The following MICAL3 variants were observed in gnomAD, a reference collection of about 807,000 sequenced individuals.
MICAL3 encodes the protein [F-actin]-monooxygenase MICAL3.
In MICAL3, 62 loss-of-function variants were observed where a neutral mutation model predicts 207.4. The ratio of observed to expected loss-of-function variants is 0.30; its 90% CI spans 0.24 to 0.37. MICAL3 has a LOEUF of 0.37. MICAL3 is among the 10% of genes least tolerant of loss of function. MICAL3 has a pLI of 1.00. For synonymous variants in MICAL3, 1,077 were observed against 1,069.3 expected, an observed-to-expected ratio of 1.01 and a Z score of -0.14; for missense variants, 2,368 against 2,635.6, an observed-to-expected ratio of 0.90 and a Z score of 2.22.
At chr22:17,858,122 A>C (rs1926121520) in intron 19 of MICAL3, among the ~76,000 whole-genome samples, 1 of 152,246 alleles carries the variant, frequency 6.6e-6, no homozygotes, top group Admixed American at 6.5e-5. Flanking sequence ...ATCCACCTGG[A>C]GGCCCGCATC....
chr22:17,954,338 G>C (rs764944131), intron 1 of MICAL3, among the ~76,000 whole-genome samples: 16 of 152,144 alleles, frequency 1.1e-4, no homozygotes, highest in Non-Finnish European at 2.2e-4. Flanking sequence ...TGGGAATTCA[G>C]AGCCAAGGAG....
At chr22:17,876,766 GGGAAGTTATGGAGGTTAGGGAGGTT>G (rs1569108955) in intron 16 of MICAL3, 2 of 140,558 alleles carry the variant, frequency 1.4e-5, no homozygotes, top group African/African-American at 5.6e-5. Context: ...AAGGAGGTTA[GGGAAGTTATGGAGGTTAGGGAGGTT>G]AGGGAAGTTA....
At chr22:17,894,010 G>T in intron 10 of MICAL3, 106 bp from the exon 11 acceptor site, 1 of 797,084 alleles carries the variant, frequency 1.3e-6, no homozygotes, top group South Asian at 1.6e-5. Flanking sequence ...TAGAAGGCTG[G>T]GTAAAGTTCA....
At position 17,906,763 on chromosome 22, in the gene MICAL3, T is replaced by A; in HGVS notation, c.50A>T (p.Asp17Val). ...ETMNPAHVLF[D>V]RFVQATTCKG... ...GCAGGTGGTGGCCTGGACAAACCGG[T>A]CAAAGAGGACATGAGCTGGGTTCAT... Residue 17 changes from aspartate to valine, a missense_variant, in exon 2 of 32, where the codon GAC (aspartate) becomes GTC (valine). Around this residue, in one of 4 missense-constraint regions of MICAL3, gnomAD observed 400 missense variants for 547.0 expected, o/e 0.73. Transcript: ENST00000441493. 6.2e-7 allele frequency: 1 copy of A among 1,613,596 alleles called. No homozygotes were observed. The highest frequency in any genetic ancestry group is 8.5e-7 in the Non-Finnish European group (1 of 1,179,720).
Position 17,877,432 on chromosome 22 carries a change from T to G in MICAL3, c.2242-5409A>C, listed in dbSNP as rs895817445. On this transcript the variant is annotated intron_variant, in intron 16 of 31. Coordinates refer to ENST00000441493, the MANE Select transcript of MICAL3 (RefSeq NM_015241.3). ...GAAGTTATGGAGGTTAGGGAGATTATGGAGGTGAGGGAGGTTATGGAGGTT... is the reference window on the plus strand; with the variant it reads ...GAAGTTATGGAGGTTAGGGAGATTAGGGAGGTGAGGGAGGTTATGGAGGTT... Among the ~76,000 whole-genome samples, 37 of 94,148 alleles carry G rather than the reference T, an allele frequency of 3.9e-4. 1 individual carries two copies. Among genetic ancestry groups the G allele is most frequent in the South Asian group, 6.0e-4 (2 of 3,326 alleles). The allele number at this position is 94,148 out of a possible 152,430, so 61.8% of individuals were successfully genotyped here. A position where few individuals can be genotyped will look rare whatever the true frequency, so the allele number is the denominator to read the frequency against.
chr22:17,884,588 G>A (rs573676464), intron 16 of MICAL3, among the ~76,000 whole-genome samples: 6 of 152,314 alleles, frequency 3.9e-5, no homozygotes, highest in African/African-American at 1.2e-4. Context: ...GAAAACAGAA[G>A]CTGTAATACG....
chr22:17,906,873 A>G lies in MICAL3; in HGVS notation c.-61T>C. 4.1e-6 allele frequency: 6 copies of G among 1,458,944 alleles called. No homozygotes were observed. Among genetic ancestry groups the G allele is most frequent in the Non-Finnish European group, 5.6e-6 (6 of 1,080,736 alleles). The allele number at this position is 1,458,944 out of a possible 1,614,324, so 90.4% of individuals were successfully genotyped here. A position where few individuals can be genotyped will look rare whatever the true frequency, so the allele number is the denominator to read the frequency against. ...TGGGATGGCTGTGGGTCCACCTGACACTGTCACGTTAATCTGACAAAAAGA... is the reference window on the plus strand; with the variant it reads ...TGGGATGGCTGTGGGTCCACCTGACGCTGTCACGTTAATCTGACAAAAAGA... On this transcript the variant is annotated 5_prime_UTR_variant, in exon 2 of 32. Transcript: ENST00000441493.
At chr22:17,799,910 A>AAC (rs142697311) in intron 29 of MICAL3, among the ~76,000 whole-genome samples, 22,114 of 146,556 alleles carry the variant, frequency 0.15, 2,761 homozygotes, top group African/African-American at 0.36. Flanking sequence ...AAAACACACA[A>AAC]ACACACACAC....
At chr22:17,868,168 C>G (rs1488066705) in intron 17 of MICAL3, among the ~76,000 whole-genome samples, 1 of 152,190 alleles carries the variant, frequency 6.6e-6, no homozygotes, top group Non-Finnish European at 1.5e-5. Context: ...GTGAACTCAT[C>G]TGTCTTTTGG....
In MICAL3 at chr22:17,906,637, T is replaced by G. The variant is rs768211297; in HGVS notation, c.176A>C (p.Tyr59Ser). Residue 59 changes from tyrosine (Y) to serine (S), a missense_variant, in exon 2 of 32, where the codon TAC (tyrosine) becomes TCC (serine). By Grantham distance (144) the Tyr-to-Ser change is moderately radical (BLOSUM62 -2). Around this residue, in one of 4 missense-constraint regions of MICAL3, gnomAD observed 400 missense variants for 547.0 expected, o/e 0.73. Coordinates refer to ENST00000441493, the MANE Select transcript of MICAL3 (RefSeq NM_015241.3). The part of the protein sequence containing the change: ...FYHKLKSKLN[Y>S]WKAKALWAKL... Reference sequence around the variant, plus strand: ...TGCCCAGAGGGCTTTGGCTTTCCAGTAGTTAAGCTTGGACTTGAGCTTGTG... The same window carrying G: ...TGCCCAGAGGGCTTTGGCTTTCCAGGAGTTAAGCTTGGACTTGAGCTTGTG... 1 of 1,613,892 alleles carries G rather than the reference T, an allele frequency of 6.2e-7. No homozygotes were observed. The highest frequency in any genetic ancestry group is 2.2e-5 in the East Asian group (1 of 44,888).
At position 17,841,731 on chromosome 22, in the gene MICAL3, C is replaced by T. The variant is rs1046470630; in HGVS notation, c.2801+91G>A. 1.8e-5 allele frequency: 24 copies of T among 1,341,480 alleles called. No homozygotes were observed. Among genetic ancestry groups the T allele is most frequent in the Non-Finnish European group, 2.4e-5 (23 of 972,306 alleles). The allele number at this position is 1,341,480 out of a possible 1,614,324, so 83.1% of individuals were successfully genotyped here. A position where few individuals can be genotyped will look rare whatever the true frequency, so the allele number is the denominator to read the frequency against. Reference sequence around the variant, plus strand: ...GGGCAGCAGGAAAGACAGGAGGCCTCCCTTCACTGAGAAGAAACCGAGACA... The same window carrying T: ...GGGCAGCAGGAAAGACAGGAGGCCTTCCTTCACTGAGAAGAAACCGAGACA... On this transcript the variant is annotated intron_variant, in intron 20 of 31. Coordinates refer to ENST00000441493, the MANE Select transcript of MICAL3 (RefSeq NM_015241.3). The surrounding 1 kb of genome is among the most constrained non-coding windows in gnomAD (Gnocchi z 4.2).
intron 1 of MICAL3, among the ~76,000 whole-genome samples, chr22:17,928,392 T>C (rs936867561): frequency 1.3e-5 from 2 of 151,072 alleles, no homozygotes; most frequent in East Asian, 2.0e-4. Flanking sequence ...TGAGCCAAGA[T>C]TGCACCACTG....
chr22:17,938,601 T>C (rs958369398), intron 1 of MICAL3, among the ~76,000 whole-genome samples: 3 of 152,220 alleles, frequency 2.0e-5, no homozygotes, highest in African/African-American at 7.2e-5. Context: ...AGCACAATTC[T>C]GGACAACAGA....
intron 1 of MICAL3, among the ~76,000 whole-genome samples, chr22:17,989,498 G>A (rs1029904648): frequency 6.6e-6 from 1 of 151,860 alleles, no homozygotes; most frequent in African/African-American, 2.4e-5. Flanking sequence ...CATCAATGCT[G>A]AAGGCAACCC....
intron 16 of MICAL3, chr22:17,876,704 G>A (rs893636901): frequency 6.6e-6 from 1 of 151,202 alleles, no homozygotes; most frequent in Non-Finnish European, 1.5e-5. Flanking sequence ...GCAGGGTTAT[G>A]GAGGTTAGGG....
At chr22:17,858,139 C>T (rs927200099) in intron 19 of MICAL3, among the ~76,000 whole-genome samples, 2 of 152,232 alleles carry the variant, frequency 1.3e-5, no homozygotes, top group South Asian at 2.1e-4. Context: ...CATCCCCTCC[C>T]GGGCAATGAA....
intron 3 of MICAL3, among the ~76,000 whole-genome samples, chr22:17,903,770 C>T (rs540048911): frequency 6.6e-6 from 1 of 152,334 alleles, no homozygotes; most frequent in South Asian, 2.1e-4. Flanking sequence ...TGCCAGCCAG[C>T]GTCTGATAAA....
At chr22:17,904,927 A>C in intron 2 of MICAL3, 88 bp from the exon 3 acceptor site, 1 of 993,836 alleles carries the variant, frequency 1.0e-6, no homozygotes, top group South Asian at 1.4e-5. Context: ...ATCACTCCCT[A>C]AAGCCCCGAA....
rs773481217 is a variant in MICAL3 at position 17,817,813 on chromosome 22, C to T, written c.4848G>A (p.Gln1616=). Residue 1616 remains glutamine, a synonymous_variant, in exon 26 of 32, where the codon CAG becomes CAA. Transcript: ENST00000441493. ...SQALRDAMAR[Q]LSRMQQMELA... ...GCTCCATCTGCTGCATCCTGCTCAG[C>T]TGCCTGGCCATGGCGTCCCGCAGCG... 1.2e-6 allele frequency: 2 copies of T among 1,609,754 alleles called. No homozygotes were observed. The highest frequency in any genetic ancestry group is 8.5e-7 in the Non-Finnish European group (1 of 1,178,340).
Sources: gnomAD v4.1 joint callset for allele counts (sites outside exome capture counted in the v4.1 genomes callset) on GRCh38, gnomAD v4.1.1 for gene constraint, gnomAD v4.1.1 regional missense constraint, Gnocchi (gnomAD v3.1) non-coding constraint, MANE v1.5 for transcripts, NCBI Gene and HGNC (gene_info 2026-07-23, HGNC 2026-07-21) for gene names.